Variants in KIAA1217 observed in about 807,000 individuals in gnomAD.
KIAA1217 encodes KIAA1217.
Under a neutral mutation model 163.9 loss-of-function variants are expected in KIAA1217, and 88 were observed. The ratio of observed to expected loss-of-function variants is 0.54; its 90% CI spans 0.45 to 0.64. The LOEUF (loss-of-function observed/expected upper bound fraction) is 0.64. KIAA1217 is among the 30% of genes least tolerant of loss of function. KIAA1217 has a pLI of 0.00. For missense variants in KIAA1217, 2,372 were observed against 2,475.0 expected, an observed-to-expected ratio of 0.96 and a Z score of 0.88; for synonymous variants, 903 against 923.1, an observed-to-expected ratio of 0.98 and a Z score of 0.39.
chr10:24,036,630 G>A (rs1183271471), intron 2 of KIAA1217, among the ~76,000 whole-genome samples: 1 of 152,182 alleles, frequency 6.6e-6, no homozygotes, highest in African/African-American at 2.4e-5. Flanking sequence ...CGTGGCAGAA[G>A]GTGAAGGGGA....
intron 1 of KIAA1217, among the ~76,000 whole-genome samples, chr10:23,703,953 C>G (rs1836663967): frequency 6.7e-6 from 1 of 149,748 alleles, no homozygotes; most frequent in Non-Finnish European, 1.5e-5. Context: ...AAAACAAAAA[C>G]AGGTTGAGAG....
At chr10:24,098,579 G>A (rs1000973405) in intron 2 of KIAA1217, among the ~76,000 whole-genome samples, 5 of 152,108 alleles carry the variant, frequency 3.3e-5, no homozygotes, top group Admixed American at 6.5e-5. Context: ...CCACTTTCTG[G>A]CAGCTCAGGG....
intron 2 of KIAA1217, among the ~76,000 whole-genome samples, chr10:24,090,168 T>G (rs1263036787): frequency 8.0e-5 from 11 of 137,418 alleles, no homozygotes; most frequent in African/African-American, 3.2e-4. Context: ...CTTTTTCTTT[T>G]TTTTTTTTTT....
intron 1 of KIAA1217, among the ~76,000 whole-genome samples, chr10:24,218,071 A>G (rs1381639820): frequency 6.6e-6 from 1 of 152,222 alleles, no homozygotes; most frequent in East Asian, 1.9e-4. Flanking sequence ...GCAATACTTT[A>G]TGATAAGAAC....
intron 2 of KIAA1217, among the ~76,000 whole-genome samples, chr10:24,111,333 C>T (rs535138110): frequency 9.9e-5 from 15 of 152,174 alleles, no homozygotes; most frequent in African/African-American, 3.6e-4. Context: ...TACACTGAAA[C>T]ATGATAAAAG....
chr10:24,503,790 A>C (rs1564815561), intron 9 of KIAA1217, among the ~76,000 whole-genome samples: 2 of 152,326 alleles, frequency 1.3e-5, no homozygotes, highest in East Asian at 3.9e-4. Flanking sequence ...GGGCTCCTGG[A>C]GGTCAAGCCC....
At chr10:23,722,360 G>C (rs1837917773) in intron 1 of KIAA1217, among the ~76,000 whole-genome samples, 1 of 152,026 alleles carries the variant, frequency 6.6e-6, no homozygotes, top group Non-Finnish European at 1.5e-5. Flanking sequence ...GGTTAAGATG[G>C]TGAGTTTTAT....
intron 4 of KIAA1217, among the ~76,000 whole-genome samples, chr10:24,437,506 C>A (rs1471457283): frequency 6.6e-6 from 1 of 152,212 alleles, no homozygotes; most frequent in Non-Finnish European, 1.5e-5. Context: ...GCCCACATTT[C>A]TCTGAGCTAG....
chr10:23,745,065 G>A (rs1320539908), intron 1 of KIAA1217, among the ~76,000 whole-genome samples: 1 of 152,168 alleles, frequency 6.6e-6, no homozygotes, highest in Non-Finnish European at 1.5e-5. Context: ...GGGACCATGG[G>A]CCAGTCATAT....
At chr10:24,486,117 C>T (rs1260285589) in intron 6 of KIAA1217, among the ~76,000 whole-genome samples, 1 of 152,232 alleles carries the variant, frequency 6.6e-6, no homozygotes, top group Non-Finnish European at 1.5e-5. Context: ...CCCATTGGGC[C>T]AAGCCACCTC....
chr10:24,063,949 T>G (rs533123509), intron 2 of KIAA1217, among the ~76,000 whole-genome samples: 5 of 152,320 alleles, frequency 3.3e-5, no homozygotes, highest in East Asian at 3.9e-4. Flanking sequence ...GTTTGTCTGT[T>G]ATTGGTGTAT....
chr10:23,770,728 C>T (rs1834760487), intron 1 of KIAA1217, among the ~76,000 whole-genome samples: 1 of 152,266 alleles, frequency 6.6e-6, no homozygotes, highest in African/African-American at 2.4e-5. Context: ...CTAATTTCCC[C>T]CAAAGCAATG....
chr10:23,946,413 G>C (rs1231006567), intron 1 of KIAA1217, among the ~76,000 whole-genome samples: 1 of 151,660 alleles, frequency 6.6e-6, no homozygotes, highest in African/African-American at 2.4e-5. Flanking sequence ...TATTTCAGGG[G>C]TTCAGATCTG....
chr10:24,134,789 C>G (rs565131873), intron 2 of KIAA1217, among the ~76,000 whole-genome samples: 51 of 152,238 alleles, frequency 3.4e-4, no homozygotes, highest in African/African-American at 1.2e-3. Flanking sequence ...GTTGCCCAAG[C>G]TGATCTCGAA....
intron 1 of KIAA1217, among the ~76,000 whole-genome samples, chr10:23,738,564 T>G (rs1838934863): frequency 1.3e-5 from 2 of 152,204 alleles, no homozygotes; most frequent in Non-Finnish European, 2.9e-5. Context: ...CAGTTCTTGT[T>G]TAACACATTA....
chr10:24,535,365 G>C (rs745419270), intron 16 of KIAA1217, among the ~76,000 whole-genome samples: 44 of 152,280 alleles, frequency 2.9e-4, no homozygotes, highest in Middle Eastern at 3.4e-3. Context: ...GACCAGTGTT[G>C]GAATGTTTAC....
At chr10:24,508,315 C>A (rs1564823323) in intron 9 of KIAA1217, among the ~76,000 whole-genome samples, 1 of 152,074 alleles carries the variant, frequency 6.6e-6, no homozygotes, top group Non-Finnish European at 1.5e-5. Flanking sequence ...ATGATAAAAA[C>A]AGCGCTCTAG....
intron 3 of KIAA1217, among the ~76,000 whole-genome samples, chr10:24,402,578 A>C (rs1383739849): frequency 6.6e-6 from 1 of 151,314 alleles, no homozygotes; most frequent in Non-Finnish European, 1.5e-5. Flanking sequence ...CTATTTTGAC[A>C]AAGAAAAATG....
intron 1 of KIAA1217, among the ~76,000 whole-genome samples, chr10:24,215,773 G>A (rs931660063): frequency 1.3e-5 from 2 of 152,228 alleles, no homozygotes; most frequent in Non-Finnish European, 2.9e-5. Flanking sequence ...CCTTTGTGTG[G>A]AAAGTGGCGT....
Sources: allele counts gnomAD v4.1 joint callset (sites outside exome capture counted in the v4.1 genomes callset), GRCh38; gene constraint gnomAD v4.1.1; transcripts MANE v1.5; gene names NCBI Gene and HGNC (gene_info 2026-07-23, HGNC 2026-07-21).